BBX: variants seen among roughly 807,000 people sequenced by gnomAD.
BBX encodes BBX high mobility group box domain containing, also known as HMG box transcription factor BBX.
In BBX, 30 loss-of-function variants were observed where a neutral mutation model predicts 100.2. That is an observed-to-expected ratio of 0.30 (90% CI 0.22 to 0.41). BBX has a LOEUF of 0.41. BBX is among the 10% of genes least tolerant of loss of function. The pLI is 1.00. For missense variants in BBX, 1,023 were observed against 1,129.8 expected, an observed-to-expected ratio of 0.91 and a Z score of 1.35; for synonymous variants, 376 against 388.1, an observed-to-expected ratio of 0.97 and a Z score of 0.37.
intron 4 of BBX, among the ~76,000 whole-genome samples, chr3:107,712,132 C>G (rs573963448): frequency 3.0e-4 from 45 of 152,312 alleles, no homozygotes; most frequent in Non-Finnish European, 2.9e-4. Context: ...CCTTCTCAAC[C>G]TTTCAAAGTG....
intron 2 of BBX, among the ~76,000 whole-genome samples, chr3:107,556,375 G>T (rs910948841): frequency 6.6e-6 from 1 of 151,874 alleles, no homozygotes; most frequent in Non-Finnish European, 1.5e-5. Flanking sequence ...AATTTTTTTT[G>T]AATTAGATGC....
At chr3:107,738,576 C>T (rs1391945943) in intron 7 of BBX, among the ~76,000 whole-genome samples, 1 of 152,090 alleles carries the variant, frequency 6.6e-6, no homozygotes, top group Non-Finnish European at 1.5e-5. Context: ...AAGTAACAGC[C>T]CACGATGGTG....
chr3:107,772,922 C>G lies in BBX; in HGVS notation c.1201C>G (p.His401Asp), dbSNP rs1183452604. Residue 401 changes from histidine (H) to aspartate (D), a missense_variant, in exon 11 of 18, where the codon CAC (histidine) becomes GAC (aspartate). By Grantham distance (81) the His-to-Asp change is moderately conservative. This residue lies in a region of BBX where 348 missense variants were observed against 353.2 expected (regional missense o/e 0.99). Coordinates refer to ENST00000325805, the MANE Select transcript of BBX (RefSeq NM_001142568.3). Reference protein sequence around the residue: ...EIRKEELEEDHKCSHFPDFSY... With the variant: ...EIRKEELEEDDKCSHFPDFSY... Reference sequence around the variant, plus strand: ...TAGAAAGGAAGAGTTAGAAGAAGATCACAAATGTAGTCATTTTCCTGATTT... The same window carrying G: ...TAGAAAGGAAGAGTTAGAAGAAGATGACAAATGTAGTCATTTTCCTGATTT... 6.2e-7 allele frequency: 1 copy of G among 1,609,964 alleles called. No homozygotes were observed. Among genetic ancestry groups the G allele is most frequent in the Non-Finnish European group, 8.5e-7 (1 of 1,178,230 alleles).
intron 3 of BBX, among the ~76,000 whole-genome samples, chr3:107,665,108 C>T (rs764355411): frequency 6.6e-6 from 1 of 152,164 alleles, no homozygotes; most frequent in Non-Finnish European, 1.5e-5. Context: ...CTACATGTAT[C>T]TTCTGCAGTT....
intron 3 of BBX, among the ~76,000 whole-genome samples, chr3:107,658,110 A>G (rs1050521115): frequency 2.6e-5 from 4 of 152,100 alleles, no homozygotes; most frequent in Non-Finnish European, 5.9e-5. Flanking sequence ...GCCATGTTGT[A>G]TAATCTTTCC....
chr3:107,535,012 A>G (rs900092184), intron 2 of BBX, among the ~76,000 whole-genome samples: 2 of 152,202 alleles, frequency 1.3e-5, no homozygotes, highest in African/African-American at 4.8e-5. Flanking sequence ...TATTTTTCAC[A>G]ACAACTTTCT....
At chr3:107,594,105 T>TC (rs2053517546) in intron 2 of BBX, among the ~76,000 whole-genome samples, 1 of 152,334 alleles carries the variant, frequency 6.6e-6, no homozygotes, top group African/African-American at 2.4e-5. Context: ...AGGATTAGAC[T>TC]CCAAGTTGTA....
chr3:107,538,309 C>G (rs1030525951), intron 2 of BBX, among the ~76,000 whole-genome samples: 1 of 152,078 alleles, frequency 6.6e-6, no homozygotes, highest in African/African-American at 2.4e-5. Context: ...CACACATGAG[C>G]ACAGAATTAT....
At chr3:107,760,014 A>C (rs2065771002) in intron 10 of BBX, among the ~76,000 whole-genome samples, 1 of 152,220 alleles carries the variant, frequency 6.6e-6, no homozygotes, top group African/African-American at 2.4e-5. Flanking sequence ...AGTACTTTAT[A>C]TGTACTAATT....
intron 3 of BBX, among the ~76,000 whole-genome samples, chr3:107,649,816 A>G (rs1227454561): frequency 6.6e-6 from 1 of 152,174 alleles, no homozygotes; most frequent in Non-Finnish European, 1.5e-5. Flanking sequence ...GTTACCGCAT[A>G]ATCTAATAAT....
intron 3 of BBX, among the ~76,000 whole-genome samples, chr3:107,649,755 G>C (rs1002629890): frequency 6.6e-6 from 1 of 152,170 alleles, no homozygotes; most frequent in Non-Finnish European, 1.5e-5. Flanking sequence ...GAAATTGGAA[G>C]TGGCTTTATC....
In BBX at chr3:107,766,047, CT is replaced by C. The variant is rs1417863770; in HGVS notation, c.907-6578del. On this transcript the variant is annotated intron_variant, in intron 10 of 17. Transcript: ENST00000325805. Reference sequence around the variant, plus strand: ...GAAGAAGATGCTTAAAAGGAGAGTGCTTTAGAAGGAAAATGCTTTAAAAAGT... The same window carrying C: ...GAAGAAGATGCTTAAAAGGAGAGTGCTTAGAAGGAAAATGCTTTAAAAAGT... 3.9e-5 allele frequency among the ~76,000 whole-genome samples: 6 copies of C among 152,162 alleles called. No homozygotes were observed. In the East Asian group the frequency reaches 9.7e-4, roughly 24 times the overall value.
Position 107,747,998 on chromosome 3 carries a change from A to G in BBX, c.784A>G (p.Thr262Ala). 3 of 1,613,592 alleles carry G rather than the reference A, an allele frequency of 1.9e-6. No homozygotes were observed. The highest frequency in any genetic ancestry group is 2.2e-5 in the East Asian group (1 of 44,824). The change falls in exon 9 of 18, where the codon ACA (threonine) becomes GCA (alanine). Residue 262 changes from threonine to alanine, a missense_variant. By Grantham distance (58) the Thr-to-Ala change is moderately conservative. Coordinates refer to ENST00000325805, the MANE Select transcript of BBX (RefSeq NM_001142568.3). ...SSSTSHSDAS[T>A]KQCQTSALFQ... is the part of the protein sequence containing the mutation. ...AAGTACGTCCCACTCTGATGCTTCT[A>G]CAAAGCAGTGTCAAACATCTGCCTT...
intron 16 of BBX, among the ~76,000 whole-genome samples, 185 bp downstream of exon 16, chr3:107,798,905 C>A (rs932839798): frequency 2.0e-5 from 3 of 150,868 alleles, no homozygotes; most frequent in Admixed American, 2.0e-4. Flanking sequence ...AATCCCAACG[C>A]TTTAGGAGGC....
chr3:107,802,182 C>T (rs954245958), intron 17 of BBX, among the ~76,000 whole-genome samples: 1 of 152,226 alleles, frequency 6.6e-6, no homozygotes. Context: ...TTTCAGTCTT[C>T]AGTACAAAAG....
At chr3:107,672,637 A>G (rs917959770) in intron 3 of BBX, among the ~76,000 whole-genome samples, 1 of 152,056 alleles carries the variant, frequency 6.6e-6, no homozygotes. Context: ...ATTTTTATTA[A>G]GTAGAAGAGT....
At chr3:107,531,476 C>G (rs190964701) in intron 2 of BBX, among the ~76,000 whole-genome samples, 45 of 152,216 alleles carry the variant, frequency 3.0e-4, no homozygotes, top group Non-Finnish European at 5.1e-4. Flanking sequence ...ATGTAGGACC[C>G]TTATTCACAG....
chr3:107,557,599 A>T (rs893333150), intron 2 of BBX, among the ~76,000 whole-genome samples: 1 of 152,226 alleles, frequency 6.6e-6, no homozygotes, highest in Non-Finnish European at 1.5e-5. Flanking sequence ...CTTACCCTCC[A>T]GGAACTCCAC....
chr3:107,613,954 T>G (rs1281637050), intron 2 of BBX, among the ~76,000 whole-genome samples: 5 of 132,094 alleles, frequency 3.8e-5, no homozygotes, highest in African/African-American at 8.4e-5. Context: ...TTTTTTTTTT[T>G]TTTTTTTTTT....
Sources: gnomAD v4.1 joint callset for allele counts (sites outside exome capture counted in the v4.1 genomes callset) on GRCh38, gnomAD v4.1.1 for gene constraint, gnomAD v4.1.1 regional missense constraint, MANE v1.5 for transcripts, NCBI Gene and HGNC (gene_info 2026-07-23, HGNC 2026-07-21) for gene names.